ZNF521: variants seen among roughly 807,000 people sequenced by gnomAD.
The protein encoded by ZNF521 is zinc finger protein 521.
ZNF521 carries 14 observed loss-of-function variants against 105.5 expected under a neutral mutation model. The ratio of observed to expected loss-of-function variants is 0.13; its 90% CI spans 0.09 to 0.21. ZNF521 has a LOEUF of 0.21. Ranked by LOEUF, ZNF521 falls within the 10% of genes least tolerant of loss-of-function variation. The probability of loss-of-function intolerance (pLI) is 1.00; values close to 1 mark genes in which losing one functional copy is unlikely to be tolerated. For missense variants in ZNF521, 1,233 were observed against 1,629.7 expected (o/e 0.76, Z 4.19); for synonymous variants, 635 against 606.0 (o/e 1.05, Z -0.70).
intron 5 of ZNF521, among the ~76,000 whole-genome samples, chr18:25,159,626 A>T (rs944878487): frequency 9.2e-5 from 14 of 152,340 alleles, no homozygotes; most frequent in Admixed American, 4.6e-4. Flanking sequence ...GGGTCACTGC[A>T]AAATTCAGAG....
intron 7 of ZNF521, among the ~76,000 whole-genome samples, chr18:25,070,972 G>C (rs1321274391): frequency 6.6e-6 from 1 of 152,144 alleles, no homozygotes; most frequent in Non-Finnish European, 1.5e-5. Flanking sequence ...AGGAGGTCTT[G>C]TTAATGACCT....
At chr18:25,318,255 T>C (rs988111870) in intron 3 of ZNF521, among the ~76,000 whole-genome samples, 1 of 152,150 alleles carries the variant, frequency 6.6e-6, no homozygotes, top group African/African-American at 2.4e-5. Context: ...TACAAGAAGT[T>C]CTAGAATAGG....
Position 25,181,306 on chromosome 18 carries a change from T to C in ZNF521, c.3658+13854A>G, listed in dbSNP as rs143890002. ...GGTTCACAATTTGACCTCAGAAACA[T>C]AGCAGTCCTGCAATGCCAGACAGCC... is the stretch of plus-strand genomic sequence containing the variant. On this transcript the variant is annotated intron_variant, in intron 5 of 7. Transcript: ENST00000361524. 1.4e-4 allele frequency among the ~76,000 whole-genome samples: 21 copies of C among 152,276 alleles called. No individual in the cohort carries two copies. The East Asian group carries it at 1.5e-3, about 11-fold the overall frequency.
intron 1 of ZNF521, chr18:25,351,725 G>C (rs1297660322): frequency 9.1e-6 from 1 of 109,824 alleles, no homozygotes; most frequent in African/African-American, 3.7e-5. Context: ...AAAAGCCAAA[G>C]CACCCGAGCC....
At chr18:25,161,384 G>C (rs1231233637) in intron 5 of ZNF521, among the ~76,000 whole-genome samples, 1 of 152,110 alleles carries the variant, frequency 6.6e-6, no homozygotes, top group Admixed American at 6.5e-5. Context: ...AGCTGCTGTG[G>C]GGGTCCAGAA....
Position 25,307,732 on chromosome 18 carries a change from C to T in ZNF521, c.220+14276G>A, listed in dbSNP as rs1912059647. 2.0e-5 allele frequency among the ~76,000 whole-genome samples: 3 copies of T among 152,170 alleles called. No individual in the cohort carries two copies. In the South Asian group the frequency reaches 6.2e-4, roughly 32 times the overall value. The stretch of plus-strand genomic sequence containing the variant: ...TTCCAGGATGAAGTCATAAAAGACA[C>T]TGCAGCTCCCATATTGATGTATCTG... On this transcript the variant is annotated intron_variant, in intron 3 of 7. Coordinates refer to ENST00000361524, the MANE Select transcript of ZNF521 (RefSeq NM_015461.3).
intron 2 of ZNF521, chr18:25,327,370 A>C: frequency 1.9e-6 from 2 of 1,034,188 alleles, no homozygotes; most frequent in Non-Finnish European, 1.2e-6. Flanking sequence ...TTAACTGTCT[A>C]ATGATGTTGT....
chr18:25,301,716 G>A (rs961910096), intron 3 of ZNF521, among the ~76,000 whole-genome samples: 2 of 152,154 alleles, frequency 1.3e-5, no homozygotes, highest in African/African-American at 4.8e-5. Context: ...CCAAAGAATG[G>A]GGTAGCAGCT....
At chr18:25,148,614 A>C (rs1808274123) in intron 5 of ZNF521, among the ~76,000 whole-genome samples, 1 of 152,294 alleles carries the variant, frequency 6.6e-6, no homozygotes, top group Middle Eastern at 3.4e-3. Flanking sequence ...GTTTATTTCC[A>C]GATACCCTGA....
chr18:25,261,550 A>G (rs1396186043), intron 3 of ZNF521, among the ~76,000 whole-genome samples: 4 of 152,138 alleles, frequency 2.6e-5, no homozygotes, highest in African/African-American at 9.7e-5. Flanking sequence ...AAGAAAAACA[A>G]AAAGCCAAAA....
chr18:25,140,293 T>C (rs543758627), intron 5 of ZNF521, among the ~76,000 whole-genome samples: 24 of 152,270 alleles, frequency 1.6e-4, no homozygotes, highest in Non-Finnish European at 3.4e-4. Flanking sequence ...TGAAGAAAAG[T>C]AACATCTCTC....
At chr18:25,093,977 C>T (rs533496686) in intron 5 of ZNF521, among the ~76,000 whole-genome samples, 1 of 152,268 alleles carries the variant, frequency 6.6e-6, no homozygotes, top group South Asian at 2.1e-4. Flanking sequence ...TAAAAGTTCT[C>T]TATTTCCTTA....
chr18:25,088,295 A>G lies in ZNF521; in HGVS notation c.3906+1170T>C, dbSNP rs574171037. 6.7e-5 allele frequency among the ~76,000 whole-genome samples: 10 copies of G among 148,686 alleles called. No individual in the cohort carries two copies. In the South Asian group the frequency reaches 2.0e-3, roughly 29 times the overall value. ...CAGTGGTGTGATCTCGGCTCACCGCAAGCTCCGCCTCCCGGGTTCATGCCA... is the reference window on the plus strand; with the variant it reads ...CAGTGGTGTGATCTCGGCTCACCGCGAGCTCCGCCTCCCGGGTTCATGCCA... On this transcript the variant is annotated intron_variant, in intron 7 of 7. Coordinates refer to ENST00000361524, the MANE Select transcript of ZNF521 (RefSeq NM_015461.3).
chr18:25,224,589 G>A lies in ZNF521; in HGVS notation c.3329C>T (p.Pro1110Leu), dbSNP rs756493392. The stretch of plus-strand genomic sequence containing the variant: ...CAAGCCTGGTCTATTCGTGCCGGGA[G>A]GGACGTTAATGCCTGGGCTGGCGCT... ...SKSASPGINV[P>L]PGTNRPGLGQ... is the part of the protein sequence containing the mutation. Residue 1110 changes from proline to leucine, a missense_variant, in exon 4 of 8, where the codon CCT becomes CTT. This residue lies in a region of ZNF521 where 614 missense variants were observed against 751.5 expected (regional missense o/e 0.82). Coordinates refer to ENST00000361524, the MANE Select transcript of ZNF521 (RefSeq NM_015461.3). 1.2e-6 allele frequency: 2 copies of A among 1,614,154 alleles called. No homozygotes were observed. Among genetic ancestry groups the A allele is most frequent in the South Asian group, 1.1e-5 (1 of 91,088 alleles).
chr18:25,300,747 C>G (rs1911596039), intron 3 of ZNF521, among the ~76,000 whole-genome samples: 1 of 152,172 alleles, frequency 6.6e-6, no homozygotes. Context: ...AAATATTTAA[C>G]TTTAATTTCA....
intron 3 of ZNF521, among the ~76,000 whole-genome samples, chr18:25,311,198 TG>T (rs1455117595): frequency 6.6e-6 from 1 of 152,122 alleles, no homozygotes; most frequent in African/African-American, 2.4e-5. Flanking sequence ...TAGATCTCTG[TG>T]ACATTGCTAC....
rs766335929 is a variant in ZNF521 at position 25,227,214 on chromosome 18, G to A, written c.704C>T (p.Ser235Phe). Residue 235 changes from serine (S) to phenylalanine (F), a missense_variant, in exon 4 of 8, where the codon TCC (serine) becomes TTC (phenylalanine). Physicochemically the swap from Ser to Phe is radical, Grantham distance 155 (BLOSUM62 -2). Around this residue, in one of 6 missense-constraint regions of ZNF521, gnomAD observed 380 missense variants for 478.0 expected, o/e 0.80. Coordinates refer to ENST00000361524, the MANE Select transcript of ZNF521 (RefSeq NM_015461.3). The surrounding 1 kb of genome is among the most constrained non-coding windows in gnomAD (Gnocchi z 5.7). ...ERNKDGSQSGSRMEDWKMKDT... is the reference protein window; with the variant it reads ...ERNKDGSQSGFRMEDWKMKDT... The stretch of plus-strand genomic sequence containing the variant: ...CTTCATCTTCCAGTCCTCCATCCTG[G>A]AACCGGACTGAGAGCCGTCCTTGTT... 2.5e-6 allele frequency: 4 copies of A among 1,614,088 alleles called. No individual in the cohort carries two copies. The highest frequency in any genetic ancestry group is 2.2e-5 in the South Asian group (2 of 91,092).
intron 3 of ZNF521, among the ~76,000 whole-genome samples, chr18:25,274,623 A>G (rs891749000): frequency 1.3e-5 from 2 of 152,232 alleles, no homozygotes; most frequent in Non-Finnish European, 2.9e-5. Context: ...AAAATGTAAC[A>G]AAGTTCAATA....
intron 4 of ZNF521, among the ~76,000 whole-genome samples, chr18:25,219,569 A>G (rs1905558328): frequency 6.6e-6 from 1 of 152,084 alleles, no homozygotes; most frequent in Admixed American, 6.6e-5. Flanking sequence ...CACGCCTGTA[A>G]TCCCAACACT....
Sources: gnomAD v4.1 joint callset for allele counts (sites outside exome capture counted in the v4.1 genomes callset) on GRCh38, gnomAD v4.1.1 for gene constraint, gnomAD v4.1.1 regional missense constraint, Gnocchi (gnomAD v3.1) non-coding constraint, MANE v1.5 for transcripts, NCBI Gene and HGNC (gene_info 2026-07-23, HGNC 2026-07-21) for gene names.